The following ADGRV1 variants were observed in gnomAD, a reference collection of about 807,000 sequenced individuals.
The protein encoded by ADGRV1 is G-protein coupled receptor 98.
In ADGRV1, 359 loss-of-function variants were observed where a neutral mutation model predicts 596.2. The observed-to-expected ratio is 0.60, with a 90% CI of 0.55 to 0.66. The LOEUF (loss-of-function observed/expected upper bound fraction) is 0.66, where lower values mean the gene tolerates loss of function less well. Among genes scored for constraint, ADGRV1 ranks in the 30% least tolerant of loss-of-function variants. ADGRV1 has a pLI of 0.00. For synonymous variants in ADGRV1, 2,681 were observed against 2,679.2 expected (o/e 1.00, Z -0.02); for missense variants, 7,274 against 7,575.6 (o/e 0.96, Z 1.48).
At position 90,627,505 on chromosome 5, in the gene ADGRV1, A is replaced by T. The variant is rs1764922058; in HGVS notation, c.967A>T (p.Ile323Phe). 1 of 1,613,994 alleles carries T rather than the reference A, an allele frequency of 6.2e-7. No individual in the cohort carries two copies. Among genetic ancestry groups the T allele is most frequent in the Non-Finnish European group, 8.5e-7 (1 of 1,179,864 alleles). ...TAHAQQNLDFIDLQPNTTVVF... is the reference protein window; with the variant it reads ...TAHAQQNLDFFDLQPNTTVVF... Reference sequence around the variant, plus strand: ...ACATGCCCAGCAAAATCTGGACTTCATTGATCTTCAGCCAAACACAACTGT... The same window carrying T: ...ACATGCCCAGCAAAATCTGGACTTCTTTGATCTTCAGCCAAACACAACTGT... Residue 323 changes from isoleucine to phenylalanine, a missense_variant, in exon 7 of 90, where the codon ATT becomes TTT. Transcript: ENST00000405460.
Position 91,150,036 on chromosome 5 carries a change from T to C in ADGRV1, c.18439T>C (p.Tyr6147His). Residue 6147 changes from tyrosine (Y) to histidine (H), a missense_variant, in exon 88 of 90, where the codon TAT becomes CAT. Physicochemically the swap from Tyr to His is moderately conservative, Grantham distance 83. Coordinates refer to ENST00000405460, the MANE Select transcript of ADGRV1 (RefSeq NM_032119.4). The part of the protein sequence containing the change: ...FVIFNSLQGL[Y>H]VFMVYFILHN... ...TTTTTTTTTTTTTTTGCAGGGACTT[T>C]ATGTTTTCATGGTTTATTTCATTTT... is the stretch of plus-strand genomic sequence containing the variant. 3 of 1,532,662 alleles carry C rather than the reference T, an allele frequency of 2.0e-6. No individual in the cohort carries two copies. Among genetic ancestry groups the C allele is most frequent in the Non-Finnish European group, 2.6e-6 (3 of 1,140,012 alleles). The allele number at this position is 1,532,662 out of a possible 1,614,324, so 94.9% of individuals were successfully genotyped here. A position where few individuals can be genotyped will look rare whatever the true frequency, so the allele number is the denominator to read the frequency against.
At chr5:90,723,202 A>G (rs1328926801) in intron 45 of ADGRV1, among the ~76,000 whole-genome samples, 1 of 152,174 alleles carries the variant, frequency 6.6e-6, no homozygotes, top group East Asian at 1.9e-4. Context: ...AATATATGCA[A>G]CCATTTCAAG....
intron 73 of ADGRV1, among the ~76,000 whole-genome samples, chr5:90,808,995 G>A (rs1581190453): frequency 1.4e-5 from 2 of 147,538 alleles, no homozygotes; most frequent in South Asian, 4.3e-4. Context: ...CGCCCAGGCC[G>A]GACTGTAGTG....
Position 90,895,528 on chromosome 5 carries a change from A to G in ADGRV1, c.17856+31671A>G, listed in dbSNP as rs532597585. Among the ~76,000 whole-genome samples, 24 of 152,328 alleles carry G rather than the reference A, an allele frequency of 1.6e-4. 1 individual carries two copies. The South Asian group carries it at 5.0e-3, about 32-fold the overall frequency. ...AGTGGACATTGTAGCTGGAATTTTA[A>G]CAAGATGGGGAGTCTTAGAAAATGG... On this transcript the variant is annotated intron_variant, in intron 83 of 89. Transcript: ENST00000405460.
At chr5:90,903,387 T>C (rs1772028239) in intron 83 of ADGRV1, among the ~76,000 whole-genome samples, 1 of 152,070 alleles carries the variant, frequency 6.6e-6, no homozygotes. Context: ...TTTAAAAATA[T>C]TAAGCAATAT....
intron 85 of ADGRV1, among the ~76,000 whole-genome samples, chr5:91,031,805 T>G (rs527912137): frequency 1.3e-5 from 2 of 152,306 alleles, no homozygotes; most frequent in South Asian, 4.1e-4. Flanking sequence ...TAAATTTTAT[T>G]AACTGCTATA....
At position 90,725,190 on chromosome 5, in the gene ADGRV1, T is replaced by G; in HGVS notation, c.10011T>G (p.Leu3337=). 6.5e-7 allele frequency: 1 copy of G among 1,537,508 alleles called. No individual in the cohort carries two copies. Among genetic ancestry groups the G allele is most frequent in the Non-Finnish European group, 8.8e-7 (1 of 1,135,854 alleles). ...AAAGAAATGAAGAAAAGCCTTCTCT[T>G]AACAGTGTGTTTACATTCACATCTG... ...HEERNEEKPS[L]NSVFTFTSGF... The change falls in exon 47 of 90, where the codon CTT becomes CTG. Residue 3337 remains leucine (L), a synonymous_variant. Coordinates refer to ENST00000405460, the MANE Select transcript of ADGRV1 (RefSeq NM_032119.4).
chr5:90,730,977 T>C (rs1399037878), intron 50 of ADGRV1, among the ~76,000 whole-genome samples: 1 of 152,194 alleles, frequency 6.6e-6, no homozygotes, highest in African/African-American at 2.4e-5. Flanking sequence ...GTTACCATGC[T>C]ATGAAGAATT....
intron 45 of ADGRV1, among the ~76,000 whole-genome samples, chr5:90,721,615 C>T (rs1478178985): frequency 8.9e-6 from 1 of 112,840 alleles, no homozygotes; most frequent in Non-Finnish European, 1.9e-5. Context: ...CTATGCCAGG[C>T]ATGGCACTGA....
chr5:90,754,940 C>A, intron 54 of ADGRV1, 43 bp from the exon 55 acceptor site: 1 of 1,365,600 alleles, frequency 7.3e-7, no homozygotes, highest in Non-Finnish European at 1.0e-6. Flanking sequence ...GCATTGACAG[C>A]AAATAGAAAA....
At chr5:90,672,504 T>G in intron 21 of ADGRV1, 42 bp from the exon 22 acceptor site, 1 of 1,475,802 alleles carries the variant, frequency 6.8e-7, no homozygotes, top group South Asian at 1.2e-5. Context: ...GTCACTGATT[T>G]GAATTGCTAT....
intron 9 of ADGRV1, among the ~76,000 whole-genome samples, chr5:90,632,976 C>G (rs1241599404): frequency 2.6e-5 from 4 of 152,146 alleles, no homozygotes. Flanking sequence ...TAGGAAGCCT[C>G]AGCCTCTGCA....
At chr5:90,676,425 C>T (rs1744231845) in intron 25 of ADGRV1, among the ~76,000 whole-genome samples, 1 of 152,086 alleles carries the variant, frequency 6.6e-6, no homozygotes, top group Non-Finnish European at 1.5e-5. Flanking sequence ...CTATATCAAT[C>T]ATTTTTGATT....
At chr5:90,911,129 C>G (rs1357149888) in intron 83 of ADGRV1, among the ~76,000 whole-genome samples, 2 of 152,034 alleles carry the variant, frequency 1.3e-5, no homozygotes, top group Admixed American at 1.3e-4. Context: ...TTCAGAGAAC[C>G]ATAACATCTG....
intron 43 of ADGRV1, among the ~76,000 whole-genome samples, chr5:90,719,622 T>G (rs916457930): frequency 3.9e-5 from 6 of 152,158 alleles, no homozygotes; most frequent in African/African-American, 1.4e-4. Context: ...TAGACCACTA[T>G]TGGTTTGTCT....
At chr5:91,105,337 C>A (rs1463944466) in intron 87 of ADGRV1, among the ~76,000 whole-genome samples, 4 of 152,132 alleles carry the variant, frequency 2.6e-5, no homozygotes, top group Non-Finnish European at 5.9e-5. Context: ...GATTTTCTTT[C>A]CTTAGGATAA....
chr5:91,002,360 A>G (rs761816704), intron 85 of ADGRV1, among the ~76,000 whole-genome samples: 1 of 152,110 alleles, frequency 6.6e-6, no homozygotes, highest in South Asian at 2.1e-4. Context: ...ACTTTATCCC[A>G]TGCATCTGTC....
rs1755518566 is a variant in ADGRV1, at chr5:90,753,701, C to T, written c.11249C>T (p.Ser3750Leu). 6.2e-7 allele frequency: 1 copy of T among 1,613,686 alleles called. No homozygotes were observed. Among genetic ancestry groups the T allele is most frequent in the East Asian group, 2.2e-5 (1 of 44,872 alleles). Reference protein sequence around the residue: ...TRITTEGVEDSYKGATIDQDR... With the variant: ...TRITTEGVEDLYKGATIDQDR... ...ATCACCACAGAAGGGGTTGAGGACT[C>T]ATACAAAGGTGCTACTATTGATCAG... The change falls in exon 54 of 90, where the codon TCA (serine) becomes TTA (leucine). Residue 3750 changes from serine (S) to leucine (L), a missense_variant. Ser to Leu is a moderately radical substitution (Grantham distance 145). Around this residue, in one of 5 missense-constraint regions of ADGRV1, gnomAD observed 3,643 missense variants for 3,809.2 expected, o/e 0.96. Transcript: ENST00000405460.
chr5:91,086,127 T>C (rs1490468262), intron 86 of ADGRV1, among the ~76,000 whole-genome samples: 1 of 152,156 alleles, frequency 6.6e-6, no homozygotes, highest in Non-Finnish European at 1.5e-5. Context: ...AACTCCCAGG[T>C]CATAGCCCTT....
Sources: allele counts gnomAD v4.1 joint callset (sites outside exome capture counted in the v4.1 genomes callset), GRCh38; gene constraint gnomAD v4.1.1; regional missense constraint gnomAD v4.1.1; transcripts MANE v1.5; gene names NCBI Gene and HGNC (gene_info 2026-07-23, HGNC 2026-07-21).